The following CYP39A1 variants were observed in gnomAD, a reference collection of about 807,000 sequenced individuals.
CYP39A1 encodes the protein cytochrome P450 family 39 subfamily A member 1.
In CYP39A1, 49 loss-of-function variants were observed where a neutral mutation model predicts 58.1. The observed-to-expected ratio is 0.84, with a 90% CI of 0.67 to 1.07. CYP39A1 has a LOEUF of 1.07. CYP39A1 is among the 50% of genes least tolerant of loss of function. The pLI is 0.00. For missense variants in CYP39A1, 531 were observed against 539.4 expected, an observed-to-expected ratio of 0.98 and a Z score of 0.16; for synonymous variants, 209 against 187.6, an observed-to-expected ratio of 1.11 and a Z score of -0.93.
chr6:46,586,830 G>A (rs980465732), intron 10 of CYP39A1, among the ~76,000 whole-genome samples: 2 of 152,060 alleles, frequency 1.3e-5, no homozygotes, highest in Admixed American at 6.6e-5. Flanking sequence ...AACCATAAAC[G>A]CTGCTTTGAT....
chr6:46,652,149 T>C (rs1482373856), intron 1 of CYP39A1, among the ~76,000 whole-genome samples: 3 of 152,214 alleles, frequency 2.0e-5, no homozygotes, highest in Admixed American at 6.5e-5. Context: ...TTCGATGAAG[T>C]AAAAATACGA....
intron 7 of CYP39A1, 98 bp downstream of exon 7, chr6:46,625,320 G>A (rs748855357): frequency 4.4e-5 from 36 of 823,392 alleles, no homozygotes; most frequent in Admixed American, 1.3e-4. Flanking sequence ...TTTGGATTAT[G>A]TTGAATTTTT....
chr6:46,606,515 T>A (rs1773852798), intron 7 of CYP39A1, among the ~76,000 whole-genome samples: 1 of 152,170 alleles, frequency 6.6e-6, no homozygotes, highest in African/African-American at 2.4e-5. Flanking sequence ...AGGCTTCACT[T>A]GGAAGAATGC....
chr6:46,570,320 C>T (rs944881755), intron 10 of CYP39A1, among the ~76,000 whole-genome samples: 1 of 152,066 alleles, frequency 6.6e-6, no homozygotes, highest in Non-Finnish European at 1.5e-5. Context: ...TTTCTAGTCT[C>T]TATTTCATTT....
chr6:46,577,502 A>G (rs1285166662), intron 10 of CYP39A1, among the ~76,000 whole-genome samples: 2 of 152,176 alleles, frequency 1.3e-5, no homozygotes, highest in African/African-American at 4.8e-5. Context: ...TAAAGAAACA[A>G]GACCCAACTG....
chr6:46,598,604 C>G (rs1286229783), intron 7 of CYP39A1, among the ~76,000 whole-genome samples: 1 of 152,076 alleles, frequency 6.6e-6, no homozygotes, highest in Non-Finnish European at 1.5e-5. Context: ...GGTCAGAATT[C>G]TTTATTTGAA....
chr6:46,559,111 A>G (rs1416433975), intron 10 of CYP39A1, among the ~76,000 whole-genome samples: 1 of 151,282 alleles, frequency 6.6e-6, no homozygotes, highest in Non-Finnish European at 1.5e-5. Context: ...AAGAATTAAT[A>G]TTTGGGCAGG....
rs3839568 is a variant in CYP39A1 at position 46,607,464 on chromosome 6, T to TACACACACACAC, written c.932-11356_932-11345dup. ...CTTAATATTTCAAGCCCCTTCCCCC[T>TACACACACACAC]ACACACACACACACACACACACACA... is the stretch of plus-strand genomic sequence containing the variant. On this transcript the variant is annotated intron_variant, in intron 7 of 11. Coordinates refer to ENST00000275016, the MANE Select transcript of CYP39A1 (RefSeq NM_016593.5). 4.4e-3 allele frequency among the ~76,000 whole-genome samples: 640 copies of TACACACACACAC among 145,586 alleles called. 5 individuals are homozygous for TACACACACACAC. Among genetic ancestry groups the TACACACACACAC allele is most frequent in the African/African-American group, 0.015 (601 of 40,052 alleles).
At chr6:46,614,101 T>C (rs551351194) in intron 7 of CYP39A1, among the ~76,000 whole-genome samples, 3 of 152,256 alleles carry the variant, frequency 2.0e-5, no homozygotes, top group East Asian at 1.9e-4. Context: ...GAATCTGTGA[T>C]ACTAAATAGC....
At chr6:46,609,176 C>T (rs1437316866) in intron 7 of CYP39A1, among the ~76,000 whole-genome samples, 3 of 151,662 alleles carry the variant, frequency 2.0e-5, no homozygotes, top group Admixed American at 6.6e-5. Context: ...CCGAGGTGGG[C>T]GGATTACGAG....
intron 7 of CYP39A1, among the ~76,000 whole-genome samples, chr6:46,620,897 A>G (rs2396689): frequency 0.19 from 29,002 of 152,100 alleles, 2,955 homozygotes; most frequent in African/African-American, 0.27. Flanking sequence ...GTTAAGGAAA[A>G]TAACTAAACA....
chr6:46,594,078 A>G (rs1773000177), intron 8 of CYP39A1, among the ~76,000 whole-genome samples: 1 of 152,126 alleles, frequency 6.6e-6, no homozygotes, highest in Non-Finnish European at 1.5e-5. Context: ...AGTAGACAAG[A>G]GACCATTCAA....
chr6:46,650,377 C>T (rs1401021793), intron 1 of CYP39A1, among the ~76,000 whole-genome samples: 1 of 52,594 alleles, frequency 1.9e-5, no homozygotes, highest in East Asian at 5.9e-4. Flanking sequence ...GGTGGGAGCA[C>T]TCTGGCTTTT....
intron 7 of CYP39A1, among the ~76,000 whole-genome samples, chr6:46,609,319 C>T (rs564677990): frequency 6.6e-6 from 1 of 151,214 alleles, no homozygotes; most frequent in East Asian, 2.0e-4. Context: ...AAGAGAATGG[C>T]GTGAACCCGG....
At chr6:46,625,596 A>T (rs1267014532) in intron 6 of CYP39A1, 88 bp from the exon 7 acceptor site, 11 of 911,554 alleles carry the variant, frequency 1.2e-5, no homozygotes, top group Non-Finnish European at 1.6e-5. Context: ...TATATTTTTT[A>T]AAAAGGATGA....
intron 5 of CYP39A1, among the ~76,000 whole-genome samples, chr6:46,634,528 T>TTG (rs1775857682): frequency 6.7e-6 from 1 of 149,216 alleles, no homozygotes; most frequent in Admixed American, 6.7e-5. Flanking sequence ...TTTTTGCTTT[T>TTG]TTTTTTTTTT....
intron 7 of CYP39A1, among the ~76,000 whole-genome samples, chr6:46,597,943 T>C (rs1434465007): frequency 6.6e-6 from 1 of 152,182 alleles, no homozygotes; most frequent in Non-Finnish European, 1.5e-5. Context: ...GGGATTTTTG[T>C]TGTAATCTCT....
chr6:46,627,164 G>A (rs1775361879), intron 6 of CYP39A1, among the ~76,000 whole-genome samples: 2 of 152,118 alleles, frequency 1.3e-5, no homozygotes, highest in South Asian at 4.1e-4. Flanking sequence ...ACAGCCTGGG[G>A]AAAACTGTCC....
At position 46,642,385 on chromosome 6, in the gene CYP39A1, TTA is replaced by T. The variant is rs1201071523; in HGVS notation, c.178-89_178-88del. 4 of 1,323,352 alleles carry T rather than the reference TTA, an allele frequency of 3.0e-6. No homozygotes were observed. The African/African-American group carries it at 6.0e-5, about 20-fold the overall frequency. 82.0% of individuals were successfully genotyped at this position (1,323,352 alleles called of 1,614,324 possible). ...CTCCTCAAGAATCCTAATGCTGAAG[TTA>T]TAGTCAAAAGAAAAATTATTATGAT... On this transcript the variant is annotated intron_variant, in intron 1 of 11. Transcript: ENST00000275016.
Sources: allele counts gnomAD v4.1 joint callset (sites outside exome capture counted in the v4.1 genomes callset), GRCh38; gene constraint gnomAD v4.1.1; transcripts MANE v1.5; gene names NCBI Gene and HGNC (gene_info 2026-07-23, HGNC 2026-07-21).